Variants in GAREM2 observed in about 807,000 individuals in gnomAD.
The protein encoded by GAREM2 is GRB2 associated regulator of MAPK1 subtype 2, also known as GRB2-associated and regulator of MAPK protein 2.
In GAREM2, 30 loss-of-function variants were observed where a neutral mutation model predicts 55.6. The ratio of observed to expected loss-of-function variants is 0.54; its 90% CI spans 0.40 to 0.73. The LOEUF is 0.73. Among genes scored for constraint, GAREM2 ranks in the 30% least tolerant of loss-of-function variants. The pLI is 0.00. For missense variants in GAREM2, 1,075 were observed against 1,257.7 expected (o/e 0.85, Z 2.20); for synonymous variants, 550 against 569.1 (o/e 0.97, Z 0.48).
At chr2:26,174,194 C>G (rs1408101036) in intron 1 of GAREM2, among the ~76,000 whole-genome samples, 2 of 152,226 alleles carry the variant, frequency 1.3e-5, no homozygotes, top group African/African-American at 2.4e-5. Context: ...TCCTCGTCTC[C>G]CCGTGGGGCC....
the GAREM2 span, among the ~76,000 whole-genome samples, chr2:26,197,022 A>G: frequency 1.3e-5 from 2 of 152,248 alleles, no homozygotes; most frequent in Non-Finnish European, 2.9e-5. Context: ...TGTTTTCAGT[A>G]CATAGAATTT....
the GAREM2 span, chr2:26,201,450 A>G: frequency 1.5e-6 from 1 of 660,972 alleles, no homozygotes; most frequent in Non-Finnish European, 2.7e-6. Context: ...TCCCATTTTG[A>G]GGGAGACTTT....
intron 1 of GAREM2, 25 bp from the exon 2 acceptor site, chr2:26,176,318 TC>T: frequency 6.7e-7 from 1 of 1,500,552 alleles, no homozygotes; most frequent in Non-Finnish European, 8.9e-7. Flanking sequence ...CTTCCCCTCA[TC>T]CTCTGTCCTC....
chr2:26,185,619 A>G (rs146424883), intron 4 of GAREM2, among the ~76,000 whole-genome samples: 125 of 152,314 alleles, frequency 8.2e-4, no homozygotes, highest in African/African-American at 2.8e-3. Context: ...AAGCTTAGAA[A>G]TGCTGTGAAT....
At chr2:26,191,364 G>A (rs1169953238), downstream of GAREM2, 1 of 1,614,122 alleles carries the variant, frequency 6.2e-7, no homozygotes, top group Admixed American at 1.7e-5. Flanking sequence ...CTATCTTCTG[G>A]GCGCCATACA....
At chr2:26,196,053 T>C in the GAREM2 span, among the ~76,000 whole-genome samples, 1 of 152,256 alleles carries the variant, frequency 6.6e-6, no homozygotes, top group African/African-American at 2.4e-5. Context: ...TCTGTAATTT[T>C]TGGCTGCTCA....
chr2:26,201,873 C>T, the GAREM2 span, among the ~76,000 whole-genome samples: 1 of 151,854 alleles, frequency 6.6e-6, no homozygotes, highest in East Asian at 1.9e-4. Flanking sequence ...CAGCTCACTG[C>T]AACCTCTTGT....
At chr2:26,194,842 C>T in the GAREM2 span, among the ~76,000 whole-genome samples, 1 of 151,954 alleles carries the variant, frequency 6.6e-6, no homozygotes, top group Non-Finnish European at 1.5e-5. Flanking sequence ...AACAGTACAG[C>T]AGATAGTTTC....
intron 2 of GAREM2, chr2:26,182,244 C>T: frequency 1.4e-6 from 2 of 1,419,994 alleles, no homozygotes; most frequent in Non-Finnish European, 1.8e-6. Context: ...ATGTGCTGAG[C>T]TTGGCAAAGC....
At position 26,187,354 on chromosome 2, in the gene GAREM2, A is replaced by C. The variant is rs773732230; in HGVS notation, c.1722A>C (p.Leu574=). ...CTAGCCGCCCAGCCCCCGGTCCCCT[A>C]CCCTCAACCACACAGCCCAGCCAGG... is the stretch of plus-strand genomic sequence containing the variant. ...ESSSRPAPGP[L]PSTTQPSQAS... The change falls in exon 6 of 6, where the codon CTA becomes CTC. Residue 574 remains leucine (L), a synonymous_variant. Transcript: ENST00000401533. 1.6e-5 allele frequency: 24 copies of C among 1,546,062 alleles called. No homozygotes were observed. Among genetic ancestry groups the C allele is most frequent in the Non-Finnish European group, 2.1e-5 (24 of 1,144,312 alleles).
chr2:26,202,976 A>G, the GAREM2 span, among the ~76,000 whole-genome samples: 1 of 152,214 alleles, frequency 6.6e-6, no homozygotes, highest in African/African-American at 2.4e-5. Context: ...CGAAAAGGGG[A>G]ACCCAGGACA....
downstream of GAREM2, chr2:26,191,459 T>A (rs368736585): frequency 2.5e-6 from 4 of 1,614,012 alleles, no homozygotes; most frequent in African/African-American, 4.0e-5. Flanking sequence ...AAAGTGAGCT[T>A]CCTTCCCAAC....
chr2:26,177,862 A>G (rs1668913579), intron 2 of GAREM2, among the ~76,000 whole-genome samples: 1 of 152,174 alleles, frequency 6.6e-6, no homozygotes, highest in Non-Finnish European at 1.5e-5. Flanking sequence ...CCTGACCTCA[A>G]GTGATCCGGC....
the GAREM2 span, among the ~76,000 whole-genome samples, chr2:26,200,157 ATTTAT>A: frequency 6.6e-6 from 1 of 152,054 alleles, no homozygotes; most frequent in Non-Finnish European, 1.5e-5. Flanking sequence ...TTGTTTATTT[ATTTAT>A]TTTGAGACGG....
downstream of GAREM2, chr2:26,191,735 G>A (rs1669511738): frequency 8.7e-7 from 1 of 1,153,200 alleles, no homozygotes; most frequent in East Asian, 2.3e-5. Context: ...GAGCTCTGTG[G>A]GCCGGTTGGT....
At chr2:26,194,160 C>T (rs1279832017), downstream of GAREM2, among the ~76,000 whole-genome samples, 4 of 152,172 alleles carry the variant, frequency 2.6e-5, no homozygotes, top group Non-Finnish European at 4.4e-5. Flanking sequence ...AAGTGCCCAG[C>T]GAGGAGGATC....
In GAREM2 at chr2:26,185,196, C is replaced by T. The variant is rs962051652; in HGVS notation, c.1348C>T (p.Leu450Phe). ...CGTCCGGCCGCCCCCAGGGCTCGAT[C>T]TCATCTCCTTCGGGGCCGCGGGACC... Reference protein sequence around the residue: ...GLVRPPPGLDLISFGAAGPPR... With the variant: ...GLVRPPPGLDFISFGAAGPPR... Residue 450 changes from leucine to phenylalanine, a missense_variant, in exon 4 of 6, where the codon CTC becomes TTC. This residue lies in a region of GAREM2 where 515 missense variants were observed against 501.5 expected (regional missense o/e 1.03). Transcript: ENST00000401533. 1.3e-6 allele frequency: 2 copies of T among 1,520,004 alleles called. No individual in the cohort carries two copies. The highest frequency in any genetic ancestry group is 1.4e-5 in the African/African-American group (1 of 70,564). 94.2% of individuals were successfully genotyped at this position (1,520,004 alleles called of 1,614,324 possible). A position where few individuals can be genotyped will look rare whatever the true frequency, so the allele number is the denominator to read the frequency against.
rs10168309 is a variant in GAREM2, at chr2:26,189,245, G to A, written c.*988G>A. On this transcript the variant is annotated 3_prime_UTR_variant, in exon 6 of 6. Coordinates refer to ENST00000401533, the MANE Select transcript of GAREM2 (RefSeq NM_001168241.2). ...TGGGAGAGTGCGTTCCTGGAGCTCA[G>A]TCCTGCATTTGTTCACGTGCCTCAC... The A allele has an allele frequency of 0.017, 2,656 of 152,308 alleles. 91 individuals are homozygous for A. Among genetic ancestry groups the A allele is most frequent in the African/African-American group, 0.061 (2,535 of 41,532 alleles). 9.4% of individuals were successfully genotyped at this position (152,308 alleles called of 1,614,324 possible).
chr2:26,194,583 A>G, downstream of GAREM2: 1 of 1,608,590 alleles, frequency 6.2e-7, no homozygotes, highest in Non-Finnish European at 8.5e-7. Flanking sequence ...GAGGATTCGG[A>G]TGACTTCAGA....
Sources: gnomAD v4.1 joint callset for allele counts (sites outside exome capture counted in the v4.1 genomes callset) on GRCh38, gnomAD v4.1.1 for gene constraint, gnomAD v4.1.1 regional missense constraint, MANE v1.5 for transcripts, NCBI Gene and HGNC (gene_info 2026-07-23, HGNC 2026-07-21) for gene names.